Variants in C6orf52 observed in about 807,000 individuals in gnomAD.
C6orf52 encodes the protein putative uncharacterized protein C6orf52.
In C6orf52, 16 loss-of-function variants were observed where a neutral mutation model predicts 16.6. The observed-to-expected ratio is 0.96, with a 90% CI of 0.65 to 1.46. C6orf52 has a LOEUF of 1.46. Ranked by LOEUF, C6orf52 falls within the 40% of genes most tolerant of loss-of-function variation. The pLI, the probability that C6orf52 is intolerant of heterozygous loss-of-function variation, is 0.00. For synonymous variants in C6orf52, 53 were observed against 61.4 expected (o/e 0.86, Z 0.64); for missense variants, 166 against 182.3 (o/e 0.91, Z 0.52).
chr6:10,676,478 C>T (rs1397231667), intron 4 of C6orf52, among the ~76,000 whole-genome samples: 1 of 152,188 alleles, frequency 6.6e-6, no homozygotes, highest in Non-Finnish European at 1.5e-5. Context: ...CAAATGCCAG[C>T]AGTTGTGCCA....
chr6:10,681,573 G>A (rs1378405551), intron 4 of C6orf52, among the ~76,000 whole-genome samples: 2 of 152,200 alleles, frequency 1.3e-5, no homozygotes, highest in Non-Finnish European at 2.9e-5. Flanking sequence ...ATACTTGAGT[G>A]TTTATGATAT....
chr6:10,694,052 G>T (rs969582636), intron 1 of C6orf52, among the ~76,000 whole-genome samples: 1 of 152,082 alleles, frequency 6.6e-6, no homozygotes, highest in Non-Finnish European at 1.5e-5. Flanking sequence ...CTGCGGTCGG[G>T]AGTTCAAAAC....
intron 4 of C6orf52, among the ~76,000 whole-genome samples, chr6:10,675,988 T>TAAAAATACAAAAATAC (rs1163262555): frequency 0.013 from 2,018 of 151,996 alleles, 46 homozygotes; most frequent in African/African-American, 0.046. Flanking sequence ...AAAAATTAGC[T>TAAAAATACAAAAATAC]GGGCGTGGTG....
Sources: gnomAD v4.1 joint callset for allele counts (sites outside exome capture counted in the v4.1 genomes callset) on GRCh38, gnomAD v4.1.1 for gene constraint, MANE v1.5 for transcripts, NCBI Gene and HGNC (gene_info 2026-07-23, HGNC 2026-07-21) for gene names.